RTN4IP1: variants seen among roughly 807,000 people sequenced by gnomAD.
The protein encoded by RTN4IP1 is NAD(P)H oxidoreductase RTN4IP1, mitochondrial.
In RTN4IP1, 32 loss-of-function variants were observed where a neutral mutation model predicts 46.6. The ratio of observed to expected loss-of-function variants is 0.69; its 90% CI spans 0.52 to 0.92. The LOEUF is 0.92. Among genes scored for constraint, RTN4IP1 ranks in the 40% least tolerant of loss-of-function variants. The probability of loss-of-function intolerance (pLI) is 0.00; values close to 1 mark genes in which losing one functional copy is unlikely to be tolerated. For synonymous variants in RTN4IP1, 167 were observed against 161.8 expected (o/e 1.03, Z -0.24); for missense variants, 424 against 485.8 (o/e 0.87, Z 1.20).
At chr6:106,607,319 C>T (rs535819123) in intron 4 of RTN4IP1, among the ~76,000 whole-genome samples, 6 of 151,670 alleles carry the variant, frequency 4.0e-5, no homozygotes, top group South Asian at 4.2e-4. Flanking sequence ...TATGGGAATA[C>T]GGGCAAAAAT....
At chr6:106,588,035 A>G (rs563715904) in intron 6 of RTN4IP1, among the ~76,000 whole-genome samples, 173 bp from the exon 7 acceptor site, 1 of 152,352 alleles carries the variant, frequency 6.6e-6, no homozygotes, top group South Asian at 2.1e-4. Context: ...ATGGAAGGAC[A>G]TACTCATTCA....
In RTN4IP1 at chr6:106,573,615, A is replaced by C. The variant is rs181121633; in HGVS notation, c.1084-1512T>G. 6.0e-3 allele frequency among the ~76,000 whole-genome samples: 913 copies of C among 152,368 alleles called. 5 individuals carry two copies. The highest frequency in any genetic ancestry group is 8.6e-3 in the Non-Finnish European group (588 of 68,030). ...TCCCCATAACCATTTTCTGGGGTAA[A>C]TACTGTTATTCCCATTTTACAGATG... On this transcript the variant is annotated intron_variant, in intron 8 of 8. Transcript: ENST00000369063.
chr6:106,615,012 T>C (rs1372561330), intron 4 of RTN4IP1, among the ~76,000 whole-genome samples: 1 of 125,610 alleles, frequency 8.0e-6, no homozygotes, highest in Admixed American at 9.5e-5. Context: ...GGAAGATTCA[T>C]TTCCATCACA....
At chr6:106,584,553 G>A (rs924109738) in intron 7 of RTN4IP1, among the ~76,000 whole-genome samples, 2 of 152,070 alleles carry the variant, frequency 1.3e-5, no homozygotes, top group African/African-American at 4.8e-5. Context: ...TTTTTGTTTT[G>A]TTGTTTTTTT....
chr6:106,613,254 T>A (rs1776273589), intron 4 of RTN4IP1, among the ~76,000 whole-genome samples: 1 of 152,160 alleles, frequency 6.6e-6, no homozygotes, highest in Non-Finnish European at 1.5e-5. Flanking sequence ...AGTTAAGTTA[T>A]CCCTAGCTGT....
chr6:106,615,124 C>T (rs1332162848), intron 4 of RTN4IP1, among the ~76,000 whole-genome samples: 3 of 152,022 alleles, frequency 2.0e-5, no homozygotes, highest in African/African-American at 7.3e-5. Flanking sequence ...TTCCCCTTAC[C>T]CCCCTAACAA....
chr6:106,590,736 A>G (rs1479711694), intron 6 of RTN4IP1, among the ~76,000 whole-genome samples: 1 of 151,010 alleles, frequency 6.6e-6, no homozygotes, highest in African/African-American at 2.4e-5. Context: ...AAAAAAAAAG[A>G]TACAAGATCA....
chr6:106,618,353 C>T (rs536485717), intron 4 of RTN4IP1, among the ~76,000 whole-genome samples: 27 of 152,224 alleles, frequency 1.8e-4, no homozygotes, highest in Admixed American at 9.2e-4. Flanking sequence ...AATTGTTAAA[C>T]GGTTCTTAGT....
At chr6:106,630,069 C>T (rs995960091), upstream of RTN4IP1, among the ~76,000 whole-genome samples, 1 of 152,160 alleles carries the variant, frequency 6.6e-6, no homozygotes, top group Non-Finnish European at 1.5e-5. Context: ...GCAGTTGTCG[C>T]TAAGAAGCCC....
intron 4 of RTN4IP1, among the ~76,000 whole-genome samples, chr6:106,609,464 G>A (rs1776168546): frequency 6.6e-6 from 1 of 152,180 alleles, no homozygotes; most frequent in Non-Finnish European, 1.5e-5. Context: ...AGGAGTTTGA[G>A]GCTGCAGTGA....
rs577396517 is a variant in RTN4IP1 at position 106,625,936 on chromosome 6, G to A, written c.274+2812C>T. Among the ~76,000 whole-genome samples the A allele has an allele frequency of 3.3e-5, 5 of 152,208 alleles. No homozygotes were observed. The East Asian group carries it at 5.8e-4, about 18-fold the overall frequency. On this transcript the variant is annotated intron_variant, in intron 1 of 8. Transcript: ENST00000369063. ...CTCCCAAAGTGCTGGAATTACAGGTGTGAGCCACTGTGCCCAGCCTTTTCC... is the reference window on the plus strand; with the variant it reads ...CTCCCAAAGTGCTGGAATTACAGGTATGAGCCACTGTGCCCAGCCTTTTCC...
At chr6:106,583,230 C>G in intron 8 of RTN4IP1, 98 bp downstream of exon 8, 2 of 902,858 alleles carry the variant, frequency 2.2e-6, no homozygotes, top group Admixed American at 2.2e-5. Flanking sequence ...AGCAGGCTAC[C>G]TCTGTAGAGT....
chr6:106,606,901 T>C (rs185941569), intron 4 of RTN4IP1, among the ~76,000 whole-genome samples: 5 of 152,218 alleles, frequency 3.3e-5, no homozygotes, highest in Admixed American at 3.3e-4. Context: ...ATTTTTTAAA[T>C]CCTAAAATTT....
intron 1 of RTN4IP1, among the ~76,000 whole-genome samples, chr6:106,623,219 A>T (rs548720561): frequency 4.7e-4 from 71 of 152,360 alleles, no homozygotes; most frequent in Non-Finnish European, 9.7e-4. Context: ...ATGGAATACT[A>T]TGCAGCCATA....
chr6:106,603,985 A>C lies in RTN4IP1; in HGVS notation c.621-1063T>G, dbSNP rs375481598. 2.2e-4 allele frequency among the ~76,000 whole-genome samples: 33 copies of C among 152,328 alleles called. 1 individual carries two copies. The highest frequency in any genetic ancestry group is 1.9e-3 in the East Asian group (10 of 5,188). ...CTCTTTATGACGGCCTACAAAAAAA[A>C]CACTTTTCTGAACACTAAGTGGTGG... On this transcript the variant is annotated intron_variant, in intron 4 of 8. Coordinates refer to ENST00000369063, the MANE Select transcript of RTN4IP1 (RefSeq NM_032730.5).
Position 106,619,201 on chromosome 6 carries a change from C to G in RTN4IP1, c.620+1G>C, listed in dbSNP as rs1360314039. ...ATGCTGCCACTGACTGATACACTTA[C>G]CGTTTTCCTGTGCAATTCTTGTCAT... On this transcript the variant is annotated splice_donor_variant, in intron 4 of 8. Coordinates refer to ENST00000369063, the MANE Select transcript of RTN4IP1 (RefSeq NM_032730.5). LOFTEE classifies it high-confidence loss of function. 3.7e-6 allele frequency: 6 copies of G among 1,613,996 alleles called. No individual in the cohort carries two copies. The highest frequency in any genetic ancestry group is 5.1e-6 in the Non-Finnish European group (6 of 1,179,978).
intron 3 of RTN4IP1, among the ~76,000 whole-genome samples, chr6:106,619,963 T>C (rs1429583715): frequency 3.9e-5 from 6 of 152,152 alleles, no homozygotes; most frequent in Non-Finnish European, 1.5e-5. Flanking sequence ...AAGGATACAG[T>C]ATATAATATA....
chr6:106,610,785 G>A (rs1776204295), intron 4 of RTN4IP1, among the ~76,000 whole-genome samples: 1 of 152,202 alleles, frequency 6.6e-6, no homozygotes, highest in East Asian at 1.9e-4. Flanking sequence ...ACTAGTGACA[G>A]ATATTTTTTA....
intron 3 of RTN4IP1, among the ~76,000 whole-genome samples, chr6:106,621,159 T>G (rs936996206): frequency 6.7e-6 from 1 of 149,916 alleles, no homozygotes; most frequent in Non-Finnish European, 1.5e-5. Context: ...ACTATTTATC[T>G]AGGGTAAAAC....
Sources: allele counts gnomAD v4.1 joint callset (sites outside exome capture counted in the v4.1 genomes callset), GRCh38; gene constraint gnomAD v4.1.1; transcripts MANE v1.5; gene names NCBI Gene and HGNC (gene_info 2026-07-23, HGNC 2026-07-21).